Variants in MLLT3 observed in about 807,000 individuals in gnomAD.
The protein encoded by MLLT3 is MLLT3 super elongation complex subunit, also known as protein AF-9.
MLLT3 carries 4 observed loss-of-function variants against 53.2 expected under a neutral mutation model. That is an observed-to-expected ratio of 0.08 (90% CI 0.04 to 0.17). The LOEUF (loss-of-function observed/expected upper bound fraction) is 0.17. Ranked by LOEUF, MLLT3 falls within the 10% of genes least tolerant of loss-of-function variation. The pLI is 1.00. For missense variants in MLLT3, 569 were observed against 684.0 expected (o/e 0.83, Z 1.87); for synonymous variants, 283 against 230.6 (o/e 1.23, Z -2.06).
intron 4 of MLLT3, among the ~76,000 whole-genome samples, chr9:20,428,145 C>A (rs191124662): frequency 3.9e-5 from 6 of 152,114 alleles, no homozygotes; most frequent in Non-Finnish European, 7.4e-5. Flanking sequence ...CTAAATCAGA[C>A]TTACACCAGA....
chr9:20,371,220 C>G (rs1283687426), intron 5 of MLLT3, among the ~76,000 whole-genome samples: 3 of 152,156 alleles, frequency 2.0e-5, no homozygotes, highest in African/African-American at 7.2e-5. Context: ...CATAAAAGTG[C>G]AAGTTGAAGC....
chr9:20,401,873 C>T (rs1822465437), intron 5 of MLLT3, among the ~76,000 whole-genome samples: 1 of 152,160 alleles, frequency 6.6e-6, no homozygotes, highest in Middle Eastern at 3.2e-3. Context: ...CTAGCAGTGT[C>T]TGCAAGAGAT....
chr9:20,363,740 A>T (rs1461624820), intron 6 of MLLT3, 135 bp from the exon 7 acceptor site: 3 of 775,818 alleles, frequency 3.9e-6, no homozygotes, highest in Non-Finnish European at 5.3e-6. Context: ...ACAATTTACA[A>T]GGCAAATTTG....
chr9:20,610,872 C>T (rs1001280280), intron 2 of MLLT3, among the ~76,000 whole-genome samples: 2 of 152,114 alleles, frequency 1.3e-5, no homozygotes, highest in African/African-American at 4.8e-5. Context: ...AAGCATCAGA[C>T]AATCTTGAAC....
chr9:20,524,488 A>C (rs1444751593), intron 2 of MLLT3, among the ~76,000 whole-genome samples: 1 of 152,042 alleles, frequency 6.6e-6, no homozygotes, highest in African/African-American at 2.4e-5. Flanking sequence ...TTTAAAGCAG[A>C]GAAAAGGAAT....
intron 2 of MLLT3, among the ~76,000 whole-genome samples, chr9:20,486,322 AACTC>A (rs1442543826): frequency 2.6e-5 from 4 of 152,150 alleles, no homozygotes; most frequent in African/African-American, 9.7e-5. Flanking sequence ...AAGCAGCAAA[AACTC>A]AATGAACTCA....
chr9:20,526,068 A>G (rs1356919868), intron 2 of MLLT3, among the ~76,000 whole-genome samples: 2 of 152,212 alleles, frequency 1.3e-5, no homozygotes, highest in Admixed American at 6.5e-5. Flanking sequence ...TTTCATGGAA[A>G]AAAATTCCAT....
chr9:20,388,404 T>G (rs922287166), intron 5 of MLLT3, among the ~76,000 whole-genome samples: 1 of 151,960 alleles, frequency 6.6e-6, no homozygotes, highest in East Asian at 1.9e-4. Flanking sequence ...CTGGCTAACA[T>G]GGTGAAACCC....
chr9:20,356,972 C>T (rs1297757268), intron 8 of MLLT3, among the ~76,000 whole-genome samples: 2 of 152,330 alleles, frequency 1.3e-5, no homozygotes, highest in African/African-American at 4.8e-5. Context: ...TCTCTCCCTG[C>T]TCCAAAATAA....
At chr9:20,601,952 C>A (rs1164639406) in intron 2 of MLLT3, among the ~76,000 whole-genome samples, 3 of 152,084 alleles carry the variant, frequency 2.0e-5, no homozygotes, top group Non-Finnish European at 2.9e-5. Context: ...GTCCACCGGG[C>A]TTCAAAGCTA....
intron 2 of MLLT3, among the ~76,000 whole-genome samples, chr9:20,476,534 G>C (rs1045854933): frequency 1.3e-5 from 2 of 151,944 alleles, no homozygotes; most frequent in Non-Finnish European, 2.9e-5. Flanking sequence ...AATAAGTAAT[G>C]TCAACTTAAT....
At chr9:20,484,098 A>C (rs1467453826) in intron 2 of MLLT3, among the ~76,000 whole-genome samples, 1 of 151,924 alleles carries the variant, frequency 6.6e-6, no homozygotes, top group Admixed American at 6.6e-5. Context: ...TATAAAATAC[A>C]ATAGTGATAT....
chr9:20,590,007 G>A (rs1393067245), intron 2 of MLLT3, among the ~76,000 whole-genome samples: 2 of 152,104 alleles, frequency 1.3e-5, no homozygotes, highest in South Asian at 2.1e-4. Flanking sequence ...CTGGTGATTT[G>A]TAAGCAGCCC....
intron 2 of MLLT3, among the ~76,000 whole-genome samples, chr9:20,499,463 T>G (rs774679066): frequency 6.6e-6 from 1 of 152,180 alleles, no homozygotes; most frequent in Non-Finnish European, 1.5e-5. Flanking sequence ...TGCTGTGAAC[T>G]TCAAACTGCT....
chr9:20,360,771 G>C lies in MLLT3; in HGVS notation c.1402C>G (p.Pro468Ala), dbSNP rs1239707217. 1.2e-6 allele frequency: 2 copies of C among 1,614,008 alleles called. No homozygotes were observed. Among genetic ancestry groups the C allele is most frequent in the Non-Finnish European group, 1.7e-6 (2 of 1,179,948 alleles). ...ASSPLHHEPP[P>A]PLLKTNNNQI... ...TTGTTGTTGGTTTTTAGTAAGGGTG[G>C]TGGAGGTTCGTGATGTAGGGGTGAA... The change falls in exon 8 of 11, where the codon CCA (proline) becomes GCA (alanine). Residue 468 changes from proline to alanine, a missense_variant. By Grantham distance (27) the Pro-to-Ala change is conservative (BLOSUM62 -1). Coordinates refer to ENST00000380338, the MANE Select transcript of MLLT3 (RefSeq NM_004529.4).
chr9:20,345,347 GAACA>G lies in MLLT3; in HGVS notation c.*1092_*1095del, dbSNP rs1820838932. The G allele has an allele frequency of 4.7e-6, 1 of 210,868 alleles. No individual in the cohort carries two copies. The highest frequency in any genetic ancestry group is 9.6e-6 in the Non-Finnish European group (1 of 104,022). 13.1% of individuals were successfully genotyped at this position (210,868 alleles called of 1,614,324 possible). A position where few individuals can be genotyped will look rare whatever the true frequency, so the allele number is the denominator to read the frequency against. On this transcript the variant is annotated 3_prime_UTR_variant, in exon 11 of 11. Coordinates refer to ENST00000380338, the MANE Select transcript of MLLT3 (RefSeq NM_004529.4). ...AAAAGTGTCTAAGAGAATCATATGTGAACAAACAAAAATCTCTGATTCCAGATTT... is the reference window on the plus strand; with the variant it reads ...AAAAGTGTCTAAGAGAATCATATGTGAACAAAAATCTCTGATTCCAGATTT...
rs1369650703 is a variant in MLLT3 at position 20,342,887 on chromosome 9, T to C, written c.*3556A>G. On this transcript the variant is annotated 3_prime_UTR_variant, in exon 11 of 11. Transcript: ENST00000380338. Reference sequence around the variant, plus strand: ...ATATAGGAGCAGTACATAGCATTAGTACACAAAACGCTAAAGGTGGAAAGT... The same window carrying C: ...ATATAGGAGCAGTACATAGCATTAGCACACAAAACGCTAAAGGTGGAAAGT... The C allele has an allele frequency of 2.2e-5, 4 of 181,418 alleles. No individual in the cohort carries two copies. The highest frequency in any genetic ancestry group is 9.6e-5 in the African/African-American group (4 of 41,842). The allele number at this position is 181,418 out of a possible 1,614,324, so 11.2% of individuals were successfully genotyped here.
Position 20,621,509 on chromosome 9 carries a change from A to T in MLLT3, c.13-675T>A, listed in dbSNP as rs1587141273. 6.7e-6 allele frequency among the ~76,000 whole-genome samples: 1 copy of T among 149,550 alleles called. No homozygotes were observed. Among genetic ancestry groups the T allele is most frequent in the Admixed American group, 6.6e-5 (1 of 15,128 alleles). On this transcript the variant is annotated intron_variant, in intron 1 of 10. Coordinates refer to ENST00000380338, the MANE Select transcript of MLLT3 (RefSeq NM_004529.4). The surrounding 1 kb of genome is among the most constrained non-coding windows in gnomAD (Gnocchi z 7.0). ...GCATCCATAACTTAGAGCACCCCGC[A>T]CCCCCCAGCGAAAAGCCCCACGCGA...
intron 5 of MLLT3, among the ~76,000 whole-genome samples, chr9:20,405,748 A>T (rs1199523581): frequency 1.3e-5 from 2 of 152,250 alleles, no homozygotes; most frequent in Non-Finnish European, 2.9e-5. Flanking sequence ...CTCAGAGAGG[A>T]TAACACAAAC....
Sources: gnomAD v4.1 joint callset for allele counts (sites outside exome capture counted in the v4.1 genomes callset) on GRCh38, gnomAD v4.1.1 for gene constraint, Gnocchi (gnomAD v3.1) non-coding constraint, MANE v1.5 for transcripts, NCBI Gene and HGNC (gene_info 2026-07-23, HGNC 2026-07-21) for gene names.